TSPAN13: variants seen among roughly 807,000 people sequenced by gnomAD.
The protein encoded by TSPAN13 is tetraspanin-13.
A neutral mutation model predicts 26.9 loss-of-function variants in TSPAN13; 18 were observed. The observed-to-expected ratio is 0.67, with a 90% CI of 0.46 to 0.99. The LOEUF is 0.99. Among genes scored for constraint, TSPAN13 ranks in the 50% least tolerant of loss-of-function variants. TSPAN13 has a pLI of 0.00. For synonymous variants in TSPAN13, 116 were observed against 98.4 expected (o/e 1.18, Z -1.06); for missense variants, 201 against 249.6 (o/e 0.81, Z 1.31).
intron 1 of TSPAN13, among the ~76,000 whole-genome samples, chr7:16,759,291 G>A (rs1421562052): frequency 6.6e-6 from 1 of 152,212 alleles, no homozygotes; most frequent in Admixed American, 6.5e-5. Flanking sequence ...AGGAAGCATA[G>A]TGCTGGCATC....
intron 1 of TSPAN13, among the ~76,000 whole-genome samples, chr7:16,771,113 C>T (rs1784672819): frequency 6.6e-6 from 1 of 152,196 alleles, no homozygotes; most frequent in Admixed American, 6.5e-5. Flanking sequence ...GGAACTCCTT[C>T]CCCACCTGCT....
At chr7:16,782,350 ACT>A (rs72086599) in intron 5 of TSPAN13, among the ~76,000 whole-genome samples, 6,444 of 152,164 alleles carry the variant, frequency 0.042, 394 homozygotes, top group African/African-American at 0.13. Context: ...GACTTACCTA[ACT>A]CTCTAGAAGT....
At chr7:16,758,625 G>T (rs1355375331) in intron 1 of TSPAN13, among the ~76,000 whole-genome samples, 1 of 152,144 alleles carries the variant, frequency 6.6e-6, no homozygotes, top group African/African-American at 2.4e-5. Context: ...AATGATCAAG[G>T]TTAAGTGCAG....
intron 1 of TSPAN13, among the ~76,000 whole-genome samples, chr7:16,755,618 G>GT (rs1426488502): frequency 8.3e-5 from 12 of 144,300 alleles, no homozygotes; most frequent in Admixed American, 2.1e-4. Context: ...CCTGAGTTCT[G>GT]TTTTTTTTCT....
In TSPAN13 at chr7:16,753,859, G is replaced by C; in HGVS notation, c.-109G>C. ...GCCCCGGCCCCCCACCCACGTCTGC[G>C]TTGCTGCCCCGCCTGGGCCAGGCCC... On this transcript the variant is annotated 5_prime_UTR_variant, in exon 1 of 6. Coordinates refer to ENST00000262067, the MANE Select transcript of TSPAN13 (RefSeq NM_014399.4). The C allele has an allele frequency of 1.6e-6, 2 of 1,235,632 alleles. No individual in the cohort carries two copies. The highest frequency in any genetic ancestry group is 2.6e-5 in the South Asian group (2 of 77,844). 76.5% of individuals were successfully genotyped at this position (1,235,632 alleles called of 1,614,324 possible). A position where few individuals can be genotyped will look rare whatever the true frequency, so the allele number is the denominator to read the frequency against.
In TSPAN13 at chr7:16,777,105, C is replaced by G. The variant is rs776170365; in HGVS notation, c.295C>G (p.Leu99Val). The change falls in exon 3 of 6, where the codon CTG (leucine) becomes GTG (valine). Residue 99 changes from leucine to valine, a missense_variant. By Grantham distance (32) the Leu-to-Val change is conservative. Transcript: ENST00000262067. ...QFSVSCACLALNQEQQGQLLE... is the reference protein window; with the variant it reads ...QFSVSCACLAVNQEQQGQLLE... ...TTCTGTATCTTGCGCTTGTTTAGCC[C>G]TGAACCAGGAGCAACAGGTAAGCTA... 9.9e-6 allele frequency: 16 copies of G among 1,613,220 alleles called. No individual in the cohort carries two copies. The South Asian group carries it at 1.8e-4, about 18-fold the overall frequency.
chr7:16,761,898 A>G (rs1197258196), intron 1 of TSPAN13, among the ~76,000 whole-genome samples: 1 of 151,992 alleles, frequency 6.6e-6, no homozygotes, highest in East Asian at 1.9e-4. Context: ...GTCCTTCTGT[A>G]TCTTACTACT....
chr7:16,781,720 T>C (rs909718876), intron 5 of TSPAN13, among the ~76,000 whole-genome samples: 4 of 152,210 alleles, frequency 2.6e-5, no homozygotes, highest in African/African-American at 9.7e-5. Context: ...CCAGGGGTGA[T>C]AGTCAAAATG....
At chr7:16,762,658 T>A (rs1265923348) in intron 1 of TSPAN13, among the ~76,000 whole-genome samples, 1 of 152,160 alleles carries the variant, frequency 6.6e-6, no homozygotes, top group African/African-American at 2.4e-5. Flanking sequence ...GTTTTATTAT[T>A]TTCACGGAAA....
At position 16,777,923 on chromosome 7, in the gene TSPAN13, GTATAA is replaced by G; in HGVS notation, c.426+17_426+21del. 1 of 1,583,056 alleles carries G rather than the reference GTATAA, an allele frequency of 6.3e-7. No homozygotes were observed. The highest frequency in any genetic ancestry group is 8.6e-7 in the Non-Finnish European group (1 of 1,157,170). On this transcript the variant is annotated intron_variant, in intron 4 of 5. Transcript: ENST00000262067. The stretch of plus-strand genomic sequence containing the variant: ...ACACCTGTCTGGCTGTAAGTACATT[GTATAA>G]TATATGTTTTTGGAAATGTATTACA...
At chr7:16,772,869 G>A (rs1300029597) in intron 1 of TSPAN13, among the ~76,000 whole-genome samples, 1 of 152,042 alleles carries the variant, frequency 6.6e-6, no homozygotes, top group Non-Finnish European at 1.5e-5. Context: ...GGTGGCATAT[G>A]CCTGTAATCC....
At chr7:16,761,690 A>ATTT (rs35451307) in intron 1 of TSPAN13, among the ~76,000 whole-genome samples, 2,715 of 93,348 alleles carry the variant, frequency 0.029, 7 homozygotes, top group East Asian at 0.044. Context: ...CAGCTAATTA[A>ATTT]TTTTTTTTTT....
chr7:16,765,124 A>G (rs1188642183), intron 1 of TSPAN13, among the ~76,000 whole-genome samples: 1 of 151,942 alleles, frequency 6.6e-6, no homozygotes, highest in Non-Finnish European at 1.5e-5. Flanking sequence ...TCTTTTTGAG[A>G]CAGGGTCTTG....
At chr7:16,775,994 T>A (rs1784738564) in intron 1 of TSPAN13, 1 of 421,328 alleles carries the variant, frequency 2.4e-6, no homozygotes, top group Non-Finnish European at 4.1e-6. Flanking sequence ...TTTTTTTCTT[T>A]TGCAAGAATA....
chr7:16,763,939 C>G (rs573239577), intron 1 of TSPAN13, among the ~76,000 whole-genome samples: 1 of 152,338 alleles, frequency 6.6e-6, no homozygotes, highest in East Asian at 1.9e-4. Flanking sequence ...ATCTGCAAGT[C>G]TTAGTGTAGT....
At chr7:16,777,953 A>T (rs578220566) in intron 4 of TSPAN13, 42 bp downstream of exon 4, 1 of 1,408,216 alleles carries the variant, frequency 7.1e-7, no homozygotes, top group African/African-American at 1.4e-5. Flanking sequence ...AATGTATTAC[A>T]GATAAATAAT....
intron 1 of TSPAN13, among the ~76,000 whole-genome samples, chr7:16,771,608 T>C (rs1784680403): frequency 6.6e-6 from 1 of 152,182 alleles, no homozygotes; most frequent in African/African-American, 2.4e-5. Flanking sequence ...GAAGGGGTTA[T>C]ATGCCAAGGA....
chr7:16,781,532 C>G (rs1784813606), intron 5 of TSPAN13, among the ~76,000 whole-genome samples: 1 of 152,164 alleles, frequency 6.6e-6, no homozygotes, highest in African/African-American at 2.4e-5. Flanking sequence ...ATGTAGCCTT[C>G]CTTTCTATCC....
intron 1 of TSPAN13, among the ~76,000 whole-genome samples, chr7:16,773,504 C>T (rs1371546338): frequency 3.3e-5 from 5 of 152,256 alleles, no homozygotes; most frequent in Admixed American, 2.6e-4. Flanking sequence ...GTAGTTGTGG[C>T]AGAGACCATG....
Sources: gnomAD v4.1 joint callset for allele counts (sites outside exome capture counted in the v4.1 genomes callset) on GRCh38, gnomAD v4.1.1 for gene constraint, MANE v1.5 for transcripts, NCBI Gene and HGNC (gene_info 2026-07-23, HGNC 2026-07-21) for gene names.